The following SORCS1 variants were observed in gnomAD, a reference collection of about 807,000 sequenced individuals.
SORCS1 encodes VPS10 domain-containing receptor SorCS1.
A neutral mutation model predicts 146.1 loss-of-function variants in SORCS1; 60 were observed. That is an observed-to-expected ratio of 0.41 (90% CI 0.33 to 0.51). The LOEUF (loss-of-function observed/expected upper bound fraction) is 0.51. Among genes scored for constraint, SORCS1 ranks in the 20% least tolerant of loss-of-function variants. SORCS1 has a pLI of 0.21. For missense variants in SORCS1, 1,352 were observed against 1,487.6 expected, an observed-to-expected ratio of 0.91 and a Z score of 1.50; for synonymous variants, 637 against 584.0, an observed-to-expected ratio of 1.09 and a Z score of -1.31.
At chr10:106,766,238 G>A (rs1859562533) in intron 4 of SORCS1, among the ~76,000 whole-genome samples, 1 of 152,096 alleles carries the variant, frequency 6.6e-6, no homozygotes, top group African/African-American at 2.4e-5. Flanking sequence ...TGTACTTCTT[G>A]AAAAGGCTGA....
chr10:106,769,484 CAA>C (rs61628916), intron 4 of SORCS1, among the ~76,000 whole-genome samples: 36 of 84,358 alleles, frequency 4.3e-4, no homozygotes, highest in East Asian at 8.5e-4. Flanking sequence ...GACTCCGTCT[CAA>C]AAAAAAAAAA....
At chr10:106,607,055 G>A (rs1846650566) in intron 23 of SORCS1, 111 bp downstream of exon 23, 1 of 1,422,118 alleles carries the variant, frequency 7.0e-7, no homozygotes, top group African/African-American at 1.4e-5. Context: ...TGTGCTTTTG[G>A]TGAAGCTGTA....
At chr10:106,946,268 A>G (rs1954338509) in intron 2 of SORCS1, among the ~76,000 whole-genome samples, 1 of 152,214 alleles carries the variant, frequency 6.6e-6, no homozygotes. Context: ...TTGGGTATGA[A>G]CCAAATGAAA....
chr10:106,865,441 G>A (rs186320878), intron 2 of SORCS1, among the ~76,000 whole-genome samples: 11 of 152,262 alleles, frequency 7.2e-5, no homozygotes, highest in Non-Finnish European at 1.2e-4. Flanking sequence ...TGGCCAAACT[G>A]GGCCAGGCAT....
At chr10:107,026,636 T>C (rs1402788956) in intron 1 of SORCS1, among the ~76,000 whole-genome samples, 1 of 151,880 alleles carries the variant, frequency 6.6e-6, no homozygotes, top group Non-Finnish European at 1.5e-5. Flanking sequence ...AAAAAGTTTT[T>C]TGGTTTTGTT....
At chr10:106,911,579 C>T (rs2138241860) in intron 2 of SORCS1, among the ~76,000 whole-genome samples, 1 of 152,232 alleles carries the variant, frequency 6.6e-6, no homozygotes, top group East Asian at 1.9e-4. Context: ...GGCGATGTCA[C>T]TGACCCCACT....
At position 106,575,021 on chromosome 10, in the gene SORCS1, A is replaced by T. The variant is rs1316501996; in HGVS notation, c.*2399T>A. On this transcript the variant is annotated 3_prime_UTR_variant, in exon 26 of 26. Coordinates refer to ENST00000263054, the MANE Select transcript of SORCS1 (RefSeq NM_052918.5). ...AGGCAAGGCACTGTGCTAGAATAAG[A>T]GTGTTATACCTCTTTCATACTTTTC... 1 of 152,626 alleles carries T rather than the reference A, an allele frequency of 6.6e-6. No individual in the cohort carries two copies. The highest frequency in any genetic ancestry group is 1.5e-5 in the Non-Finnish European group (1 of 68,048). The allele number at this position is 152,626 out of a possible 1,614,324, so 9.5% of individuals were successfully genotyped here. A position where few individuals can be genotyped will look rare whatever the true frequency, so the allele number is the denominator to read the frequency against.
intron 2 of SORCS1, among the ~76,000 whole-genome samples, chr10:106,956,309 AG>A (rs2138988177): frequency 6.6e-6 from 1 of 152,288 alleles, no homozygotes; most frequent in African/African-American, 2.4e-5. Flanking sequence ...GCTGACTAAA[AG>A]AATTGGTCTA....
intron 2 of SORCS1, among the ~76,000 whole-genome samples, chr10:106,926,992 T>A (rs1016092878): frequency 3.3e-5 from 5 of 151,966 alleles, no homozygotes; most frequent in African/African-American, 1.2e-4. Flanking sequence ...TAATAATACA[T>A]AATACAATAC....
At chr10:106,923,774 C>A (rs1054554337) in intron 2 of SORCS1, among the ~76,000 whole-genome samples, 5 of 152,178 alleles carry the variant, frequency 3.3e-5, no homozygotes, top group African/African-American at 1.2e-4. Context: ...GTTATCTGTT[C>A]AGATCTTTTG....
intron 3 of SORCS1, among the ~76,000 whole-genome samples, chr10:106,806,169 A>T (rs1374441457): frequency 2.0e-5 from 3 of 150,998 alleles, no homozygotes; most frequent in African/African-American, 7.3e-5. Flanking sequence ...AGAGATCGAG[A>T]TCATCCTGGC....
intron 1 of SORCS1, among the ~76,000 whole-genome samples, chr10:107,096,448 A>C (rs2134346973): frequency 6.6e-6 from 1 of 152,366 alleles, no homozygotes; most frequent in African/African-American, 2.4e-5. Flanking sequence ...ACTTAGCTTT[A>C]GCAAAACAAC....
chr10:106,710,432 G>GAAAAAAA (rs33978828), intron 6 of SORCS1, among the ~76,000 whole-genome samples: 3 of 126,830 alleles, frequency 2.4e-5, no homozygotes, highest in Non-Finnish European at 3.2e-5. Context: ...TGGGTGACAG[G>GAAAAAAA]AAAAAAAAAA....
intron 2 of SORCS1, among the ~76,000 whole-genome samples, chr10:106,902,383 C>T (rs1176311394): frequency 6.6e-6 from 1 of 151,800 alleles, no homozygotes; most frequent in African/African-American, 2.4e-5. Context: ...TTTATAATAG[C>T]TAATTAAAAA....
the SORCS1 span, among the ~76,000 whole-genome samples, chr10:107,177,473 T>G: frequency 6.6e-6 from 1 of 152,216 alleles, no homozygotes; most frequent in African/African-American, 2.4e-5. Flanking sequence ...ATGCTGTCCT[T>G]TAAAATATAT....
chr10:107,015,856 A>G (rs1030808088), intron 1 of SORCS1, among the ~76,000 whole-genome samples: 8 of 152,376 alleles, frequency 5.3e-5, no homozygotes, highest in African/African-American at 1.7e-4. Context: ...GACTATTAAT[A>G]TAAGAACTAC....
At chr10:106,844,403 T>C (rs928871936) in intron 2 of SORCS1, among the ~76,000 whole-genome samples, 1 of 151,968 alleles carries the variant, frequency 6.6e-6, no homozygotes, top group Non-Finnish European at 1.5e-5. Context: ...ATTGAGGAGA[T>C]TTTCTTCTAT....
intron 1 of SORCS1, among the ~76,000 whole-genome samples, chr10:107,016,054 G>T (rs1244851282): frequency 6.6e-6 from 1 of 152,114 alleles, no homozygotes; most frequent in African/African-American, 2.4e-5. Context: ...GGCCGAGCAG[G>T]TTTAAGAATG....
intron 2 of SORCS1, among the ~76,000 whole-genome samples, chr10:106,839,993 G>A (rs1948954442): frequency 6.6e-6 from 1 of 152,172 alleles, no homozygotes; most frequent in Non-Finnish European, 1.5e-5. Context: ...AATGTACCTA[G>A]TCATCCATGA....
Sources: gnomAD v4.1 joint callset for allele counts (sites outside exome capture counted in the v4.1 genomes callset) on GRCh38, gnomAD v4.1.1 for gene constraint, MANE v1.5 for transcripts, NCBI Gene and HGNC (gene_info 2026-07-23, HGNC 2026-07-21) for gene names.